ARID5B: variants seen among roughly 807,000 people sequenced by gnomAD.
The protein encoded by ARID5B is AT-rich interaction domain 5B, also known as AT-rich interactive domain-containing protein 5B.
ARID5B carries 13 observed loss-of-function variants against 97.2 expected under a neutral mutation model. The observed-to-expected ratio is 0.13, with a 90% CI of 0.09 to 0.21. The LOEUF (loss-of-function observed/expected upper bound fraction) is 0.21. Ranked by LOEUF, ARID5B falls within the 10% of genes least tolerant of loss-of-function variation. ARID5B has a pLI of 1.00. For synonymous variants in ARID5B, 556 were observed against 570.3 expected, an observed-to-expected ratio of 0.97 and a Z score of 0.36; for missense variants, 1,210 against 1,465.3, an observed-to-expected ratio of 0.83 and a Z score of 2.84.
At chr10:61,956,016 A>G (rs1838386889) in intron 3 of ARID5B, among the ~76,000 whole-genome samples, 1 of 152,160 alleles carries the variant, frequency 6.6e-6, no homozygotes, top group South Asian at 2.1e-4. Flanking sequence ...ACTTTGTGAG[A>G]TAGTCCCATT....
At chr10:62,087,778 G>A (rs548075262) in intron 9 of ARID5B, among the ~76,000 whole-genome samples, 6 of 152,134 alleles carry the variant, frequency 3.9e-5, no homozygotes, top group South Asian at 2.1e-4. Context: ...ACCAAGATTA[G>A]AAATTTGTGG....
At chr10:61,990,853 C>T (rs1044321000) in intron 3 of ARID5B, among the ~76,000 whole-genome samples, 1 of 152,154 alleles carries the variant, frequency 6.6e-6, no homozygotes, top group African/African-American at 2.4e-5. Context: ...CTATCTATTT[C>T]TAGAACTTTT....
At chr10:61,957,165 T>C (rs1032885363) in intron 3 of ARID5B, among the ~76,000 whole-genome samples, 9 of 152,266 alleles carry the variant, frequency 5.9e-5, no homozygotes, top group Admixed American at 3.9e-4. Context: ...GCTACTACAG[T>C]TGACAATTTG....
chr10:62,092,639 G>C lies in ARID5B; in HGVS notation c.3176G>C (p.Gly1059Ala), dbSNP rs752420847. 5 of 1,614,134 alleles carry C rather than the reference G, an allele frequency of 3.1e-6. No homozygotes were observed. Among genetic ancestry groups the C allele is most frequent in the Middle Eastern group, 1.6e-4 (1 of 6,062 alleles). The change falls in exon 10 of 10, where the codon GGT becomes GCT. Residue 1059 changes from glycine to alanine, a missense_variant. Physicochemically the swap from Gly to Ala is moderately conservative, Grantham distance 60 (BLOSUM62 0). Transcript: ENST00000279873. The stretch of plus-strand genomic sequence containing the variant: ...AGTGAAGGCAGCAAAGCAGCGCACG[G>C]TGGGCATTCCGGGGGCGGATCAGAA... ...QESEGSKAAHGGHSGGGSEGH... is the reference protein window; with the variant it reads ...QESEGSKAAHAGHSGGGSEGH...
rs576955474 is a variant in ARID5B, at chr10:61,904,078, G to T, written c.276+1665G>T. Among the ~76,000 whole-genome samples, 300 of 83,450 alleles carry T rather than the reference G, an allele frequency of 3.6e-3. 1 individual carries two copies. Among genetic ancestry groups the T allele is most frequent in the Non-Finnish European group, 4.0e-3 (172 of 42,840 alleles). 54.7% of individuals were successfully genotyped at this position (83,450 alleles called of 152,430 possible). A position where few individuals can be genotyped will look rare whatever the true frequency, so the allele number is the denominator to read the frequency against. ...TCCCCCGACCCAACTTTCCTGCGCAGCTGTCTTCCTCCCCCTCCCTCTCCC... is the reference window on the plus strand; with the variant it reads ...TCCCCCGACCCAACTTTCCTGCGCATCTGTCTTCCTCCCCCTCCCTCTCCC... On this transcript the variant is annotated intron_variant, in intron 2 of 9. Coordinates refer to ENST00000279873, the MANE Select transcript of ARID5B (RefSeq NM_032199.3).
intron 3 of ARID5B, among the ~76,000 whole-genome samples, chr10:61,973,406 C>G (rs1838657349): frequency 6.6e-6 from 1 of 152,174 alleles, no homozygotes; most frequent in Non-Finnish European, 1.5e-5. Context: ...GGCTCCAGGG[C>G]TCTGGGGAGT....
intron 2 of ARID5B, among the ~76,000 whole-genome samples, chr10:61,930,003 T>C (rs146354378): frequency 6.6e-6 from 1 of 152,298 alleles, no homozygotes; most frequent in East Asian, 1.9e-4. Context: ...GGCATCCAAA[T>C]TGATAACAAG....
In ARID5B at chr10:62,050,999, A is replaced by G. The variant is rs1839781710; in HGVS notation, c.845A>G (p.Lys282Arg). The G allele has an allele frequency of 6.2e-7, 1 of 1,610,476 alleles. No homozygotes were observed. Among genetic ancestry groups the G allele is most frequent in the East Asian group, 2.2e-5 (1 of 44,842 alleles). ...NNNSDGKAVA[K>R]VKCEARSALT... ...AATTCCGATGGCAAAGCCGTTGCCA[A>G]GGTACGGTCATTCACTCCACGGTAT... The change falls in exon 5 of 10, where the codon AAG (lysine) becomes AGG (arginine). Residue 282 changes from lysine (K) to arginine (R), a missense_variant and splice_region_variant. Coordinates refer to ENST00000279873, the MANE Select transcript of ARID5B (RefSeq NM_032199.3).
chr10:61,915,673 A>G (rs1843889058), intron 2 of ARID5B, among the ~76,000 whole-genome samples: 1 of 152,144 alleles, frequency 6.6e-6, no homozygotes, highest in Non-Finnish European at 1.5e-5. Flanking sequence ...GGCTATGGAG[A>G]TGGTTGAAAA....
intron 5 of ARID5B, among the ~76,000 whole-genome samples, chr10:62,052,667 G>A (rs764051216): frequency 6.6e-6 from 1 of 152,196 alleles, no homozygotes; most frequent in East Asian, 1.9e-4. Context: ...GGTTCACAAA[G>A]CCGAGAAGAA....
At position 62,093,651 on chromosome 10, in the gene ARID5B, CTTTTTTTT is replaced by C. The variant is rs57902062; in HGVS notation, c.*641_*648del. The C allele has an allele frequency of 3.6e-4, 31 of 87,002 alleles. No homozygotes were observed. The highest frequency in any genetic ancestry group is 9.2e-4 in the South Asian group (1 of 1,090). The allele number at this position is 87,002 out of a possible 1,614,324, so 5.4% of individuals were successfully genotyped here. A position where few individuals can be genotyped will look rare whatever the true frequency, so the allele number is the denominator to read the frequency against. The stretch of plus-strand genomic sequence containing the variant: ...CCATTTTCTCCCAGTTCCTTCTCGT[CTTTTTTTT>C]TTTTTTTTTTTTTTTTTTTATTAAA... On this transcript the variant is annotated 3_prime_UTR_variant, in exon 10 of 10. Transcript: ENST00000279873.
At chr10:61,911,324 T>C (rs1008233994) in intron 2 of ARID5B, among the ~76,000 whole-genome samples, 5 of 152,246 alleles carry the variant, frequency 3.3e-5, no homozygotes, top group African/African-American at 7.2e-5. Flanking sequence ...GCTCTTTTTG[T>C]GCTGCTTGTC....
intron 4 of ARID5B, among the ~76,000 whole-genome samples, chr10:62,040,340 T>C (rs200343515): frequency 0.043 from 8 of 186 alleles, no homozygotes; most frequent in South Asian, 0.17. Context: ...ATTATAACAT[T>C]ATATATATAT....
rs767019001 is a variant in ARID5B, at chr10:62,091,893, G to C, written c.2430G>C (p.Lys810Asn). 2 of 1,614,076 alleles carry C rather than the reference G, an allele frequency of 1.2e-6. No homozygotes were observed. Among genetic ancestry groups the C allele is most frequent in the Non-Finnish European group, 8.5e-7 (1 of 1,180,012 alleles). ...YVLKQEIQEG[K>N]DKLLEKRALP... The stretch of plus-strand genomic sequence containing the variant: ...TGAAGCAAGAAATTCAGGAGGGCAA[G>C]GATAAACTCTTAGAGAAAAGGGCCC... Residue 810 changes from lysine (K) to asparagine (N), a missense_variant, in exon 10 of 10, where the codon AAG (lysine) becomes AAC (asparagine). This residue lies in a region of ARID5B where 800 missense variants were observed against 839.1 expected (regional missense o/e 0.95). Transcript: ENST00000279873.
intron 3 of ARID5B, among the ~76,000 whole-genome samples, chr10:61,975,984 C>A (rs949853530): frequency 6.6e-6 from 1 of 152,210 alleles, no homozygotes; most frequent in African/African-American, 2.4e-5. Context: ...GAGGAAGAAT[C>A]TCAGTTCCTT....
intron 2 of ARID5B, among the ~76,000 whole-genome samples, chr10:61,925,694 A>T (rs1844092070): frequency 6.6e-6 from 1 of 152,194 alleles, no homozygotes; most frequent in African/African-American, 2.4e-5. Flanking sequence ...ACAGGGAATT[A>T]TGAGAGGGTG....
At position 62,095,855 on chromosome 10, in the gene ARID5B, G is replaced by T. The variant is rs780437387; in HGVS notation, c.*2825G>T. 1.7e-5 allele frequency: 4 copies of T among 230,816 alleles called. No individual in the cohort carries two copies. Among genetic ancestry groups the T allele is most frequent in the Non-Finnish European group, 3.4e-5 (4 of 116,362 alleles). The allele number at this position is 230,816 out of a possible 1,614,324, so 14.3% of individuals were successfully genotyped here. ...CATTGTTATTGGTAGTTCTGTAAAGGAAACTGTGGAATCGAATTGGCAGTG... is the reference window on the plus strand; with the variant it reads ...CATTGTTATTGGTAGTTCTGTAAAGTAAACTGTGGAATCGAATTGGCAGTG... On this transcript the variant is annotated 3_prime_UTR_variant, in exon 10 of 10. Transcript: ENST00000279873.
intron 4 of ARID5B, among the ~76,000 whole-genome samples, chr10:62,011,950 A>G (rs960693749): frequency 6.6e-6 from 1 of 152,194 alleles, no homozygotes; most frequent in Non-Finnish European, 1.5e-5. Flanking sequence ...AGAATCTTCC[A>G]TAAACCAGAT....
intron 8 of ARID5B, among the ~76,000 whole-genome samples, chr10:62,081,898 A>G (rs990747829): frequency 1.3e-5 from 2 of 152,268 alleles, no homozygotes; most frequent in African/African-American, 4.8e-5. Flanking sequence ...TTTTCAAACC[A>G]GCAATTTCAT....
Sources: allele counts gnomAD v4.1 joint callset (sites outside exome capture counted in the v4.1 genomes callset), GRCh38; gene constraint gnomAD v4.1.1; regional missense constraint gnomAD v4.1.1; transcripts MANE v1.5; gene names NCBI Gene and HGNC (gene_info 2026-07-23, HGNC 2026-07-21).